CAPN1: variants seen among roughly 807,000 people sequenced by gnomAD.
CAPN1 encodes calpain 1.
In CAPN1, 77 loss-of-function variants were observed where a neutral mutation model predicts 105.2. That is an observed-to-expected ratio of 0.73 (90% CI 0.61 to 0.88). The LOEUF is 0.88. CAPN1 is among the 40% of genes least tolerant of loss of function. The probability of loss-of-function intolerance (pLI) is 0.00; values close to 1 mark genes in which losing one functional copy is unlikely to be tolerated. For synonymous variants in CAPN1, 355 were observed against 388.8 expected (o/e 0.91, Z 1.02); for missense variants, 833 against 976.6 (o/e 0.85, Z 1.96).
rs768622526 is a variant in CAPN1, at chr11:65,183,181, C to G, written c.321C>G (p.Ile107Met). ...TGGATGGAGCTACCCGCACAGACAT[C>G]TGCCAGGGAGCACTGGGTAGGCCCC... ...FIVDGATRTD[I>M]CQGALGDCWL... Residue 107 changes from isoleucine (I) to methionine (M), a missense_variant, in exon 3 of 22, where the codon ATC (isoleucine) becomes ATG (methionine). Physicochemically the swap from Ile to Met is conservative, Grantham distance 10. Coordinates refer to ENST00000279247, the MANE Select transcript of CAPN1 (RefSeq NM_005186.4). 6.2e-7 allele frequency: 1 copy of G among 1,613,936 alleles called. No homozygotes were observed. The highest frequency in any genetic ancestry group is 1.1e-5 in the South Asian group (1 of 91,084).
rs765472133 is a variant in CAPN1 at position 65,188,539 on chromosome 11, TCTGTGCCCTGACGGG to T, written c.1005-39_1005-25del. ...CACCTCTCCACCCCTACACATCAGC[TCTGTGCCCTGACGGG>T]CTGTGCCTCACCTGTGTACCTCCCA... On this transcript the variant is annotated intron_variant, in intron 9 of 21. Transcript: ENST00000279247. The surrounding 1 kb of genome is among the most constrained non-coding windows in gnomAD (Gnocchi z 5.5). The T allele has an allele frequency of 6.2e-7, 1 of 1,612,878 alleles. No individual in the cohort carries two copies. The highest frequency in any genetic ancestry group is 8.5e-7 in the Non-Finnish European group (1 of 1,179,222).
intron 4 of CAPN1, among the ~76,000 whole-genome samples, chr11:65,184,359 G>T (rs1392985738): frequency 6.6e-6 from 1 of 152,114 alleles, no homozygotes; most frequent in Non-Finnish European, 1.5e-5. Flanking sequence ...CTGCAGGGGC[G>T]CAGTCTCGCC....
chr11:65,203,508 G>C, intron 10 of CAPN1: 1 of 152,382 alleles, frequency 6.6e-6, no homozygotes. Context: ...TACAGGCATG[G>C]GCCACCATGC....
chr11:65,186,659 C>A (rs1426822710), intron 6 of CAPN1, among the ~76,000 whole-genome samples: 1 of 152,134 alleles, frequency 6.6e-6, no homozygotes, highest in Non-Finnish European at 1.5e-5. Context: ...CCTCAGATTT[C>A]ATCTCCTGGT....
chr11:65,198,865 C>T (rs1378639270), intron 10 of CAPN1, among the ~76,000 whole-genome samples: 11 of 151,822 alleles, frequency 7.2e-5, no homozygotes, highest in Non-Finnish European at 1.2e-4. Context: ...GACGGAGTCG[C>T]GCTCTGTCGC....
chr11:65,183,398 A>C (rs1382202701), intron 3 of CAPN1, 76 bp from the exon 4 acceptor site: 1 of 1,254,618 alleles, frequency 8.0e-7, no homozygotes, highest in East Asian at 2.4e-5. Flanking sequence ...AAGGAACCCC[A>C]GATTCTCCCT....
rs1406938746 is a variant in CAPN1, at chr11:65,186,099, G to C, written c.590+49G>C. ...CTCCAGCTTCCAGCTCCCCCTAGGGGTGGGGGCTCATGACTGTCTTCTCAG... is the reference window on the plus strand; with the variant it reads ...CTCCAGCTTCCAGCTCCCCCTAGGGCTGGGGGCTCATGACTGTCTTCTCAG... On this transcript the variant is annotated intron_variant, in intron 5 of 21. Transcript: ENST00000279247. 6 of 1,607,070 alleles carry C rather than the reference G, an allele frequency of 3.7e-6. No individual in the cohort carries two copies. In the East Asian group the frequency reaches 1.3e-4, roughly 36 times the overall value.
intron 10 of CAPN1, among the ~76,000 whole-genome samples, chr11:65,194,661 T>G (rs998641993): frequency 6.6e-6 from 1 of 152,198 alleles, no homozygotes; most frequent in Non-Finnish European, 1.5e-5. Flanking sequence ...CTTTTTTGCC[T>G]TAGCATAATG....
At chr11:65,193,962 ATTTTTTTTTTT>A (rs60784154) in intron 10 of CAPN1, among the ~76,000 whole-genome samples, 1 of 76,206 alleles carries the variant, frequency 1.3e-5, no homozygotes, top group African/African-American at 5.2e-5. Flanking sequence ...CTTTGGATTG[ATTTTTTTTTTT>A]TTTTTTTTTT....
chr11:65,204,607 C>A, intron 10 of CAPN1, 76 bp from the exon 11 acceptor site: 3 of 1,271,648 alleles, frequency 2.4e-6, no homozygotes, highest in Non-Finnish European at 2.3e-6. Flanking sequence ...TGCACAGGGA[C>A]GTGCTGAGGA....
intron 4 of CAPN1, among the ~76,000 whole-genome samples, chr11:65,183,831 G>T (rs551598784): frequency 2.1e-3 from 321 of 152,266 alleles, no homozygotes; most frequent in Non-Finnish European, 4.1e-3. Context: ...TGAAAGAACA[G>T]AAAGACTTTT....
At position 65,188,551 on chromosome 11, in the gene CAPN1, C is replaced by A. The variant is rs778077181; in HGVS notation, c.1005-35C>A. 1 of 1,613,572 alleles carries A rather than the reference C, an allele frequency of 6.2e-7. No homozygotes were observed. Among genetic ancestry groups the A allele is most frequent in the Non-Finnish European group, 8.5e-7 (1 of 1,179,570 alleles). ...CCTACACATCAGCTCTGTGCCCTGACGGGCTGTGCCTCACCTGTGTACCTC... is the reference window on the plus strand; with the variant it reads ...CCTACACATCAGCTCTGTGCCCTGAAGGGCTGTGCCTCACCTGTGTACCTC... On this transcript the variant is annotated intron_variant, in intron 9 of 21. Transcript: ENST00000279247. This position sits in a 1 kb window ranked among gnomAD's most constrained non-coding sequence, Gnocchi z 5.5.
At position 65,192,326 on chromosome 11, in the gene CAPN1, C is replaced by T. The variant is rs529296051; in HGVS notation, c.1165+3580C>T. On this transcript the variant is annotated intron_variant, in intron 10 of 21. Coordinates refer to ENST00000279247, the MANE Select transcript of CAPN1 (RefSeq NM_005186.4). ...ATAAAAACAACATGGTCACGAGTGA[C>T]GTTTGCCTGTTATTTTCCTTTCTTA... Among the ~76,000 whole-genome samples the T allele has an allele frequency of 5.9e-5, 9 of 152,300 alleles. No homozygotes were observed. In the South Asian group the frequency reaches 8.3e-4, roughly 14 times the overall value.
chr11:65,209,064 C>T lies in CAPN1; in HGVS notation c.1730-259C>T. 1 of 546,780 alleles carries T rather than the reference C, an allele frequency of 1.8e-6. No homozygotes were observed. The highest frequency in any genetic ancestry group is 2.1e-5 in the South Asian group (1 of 48,120). The allele number at this position is 546,780 out of a possible 1,614,324, so 33.9% of individuals were successfully genotyped here. On this transcript the variant is annotated intron_variant, in intron 16 of 21. Transcript: ENST00000279247. This position sits in a 1 kb window ranked among gnomAD's most constrained non-coding sequence, Gnocchi z 4.1. ...CCCTGCCCTGCCCCATCTTTCTACC[C>T]AATTTCTCGCTCTTCTGTTTCACAC...
At chr11:65,197,841 T>C (rs1446510886) in intron 10 of CAPN1, among the ~76,000 whole-genome samples, 1 of 146,010 alleles carries the variant, frequency 6.8e-6, no homozygotes, top group Non-Finnish European at 1.5e-5. Context: ...TGAGCCAAGA[T>C]TGTGCCATTG....
chr11:65,194,556 C>T (rs935382473), intron 10 of CAPN1, among the ~76,000 whole-genome samples: 3 of 152,114 alleles, frequency 2.0e-5, no homozygotes, highest in African/African-American at 7.2e-5. Flanking sequence ...GCCCCCACCC[C>T]GAAAATCCCG....
chr11:65,190,825 G>A (rs1948710253), intron 10 of CAPN1, among the ~76,000 whole-genome samples: 2 of 151,902 alleles, frequency 1.3e-5, no homozygotes, highest in South Asian at 4.2e-4. Flanking sequence ...TGATGCTTCT[G>A]CCTCAACCTC....
At position 65,183,543 on chromosome 11, in the gene CAPN1, C is replaced by T. The variant is rs774294316; in HGVS notation, c.407C>T (p.Pro136Leu). 5 of 1,613,964 alleles carry T rather than the reference C, an allele frequency of 3.1e-6. No homozygotes were observed. The highest frequency in any genetic ancestry group is 2.2e-5 in the East Asian group (1 of 44,880). Residue 136 changes from proline to leucine, a missense_variant, in exon 4 of 22, where the codon CCG (proline) becomes CTG (leucine). Pro to Leu is a moderately conservative substitution (Grantham distance 98). Coordinates refer to ENST00000279247, the MANE Select transcript of CAPN1 (RefSeq NM_005186.4). ...LNDTLLHRVV[P>L]HGQSFQNGYA... ...GACACCCTCCTGCACCGAGTGGTTC[C>T]GCACGGCCAGAGCTTCCAGAATGGC...
chr11:65,186,888 G>A (rs866203628), intron 6 of CAPN1, among the ~76,000 whole-genome samples: 4 of 152,214 alleles, frequency 2.6e-5, no homozygotes, highest in Non-Finnish European at 4.4e-5. Context: ...TGAGGGCTGT[G>A]TGGCTCTGGT....
Sources: allele counts gnomAD v4.1 joint callset (sites outside exome capture counted in the v4.1 genomes callset), GRCh38; gene constraint gnomAD v4.1.1; non-coding constraint Gnocchi (gnomAD v3.1); transcripts MANE v1.5; gene names NCBI Gene and HGNC (gene_info 2026-07-23, HGNC 2026-07-21).